TBX1: variants seen among roughly 807,000 people sequenced by gnomAD.
TBX1 encodes the protein T-box transcription factor 1, also known as T-box transcription factor TBX1.
Under a neutral mutation model 40.8 loss-of-function variants are expected in TBX1, and 16 were observed. The ratio of observed to expected loss-of-function variants is 0.39; its 90% CI spans 0.27 to 0.60. TBX1 has a LOEUF of 0.60. Ranked by LOEUF, TBX1 falls within the 20% of genes least tolerant of loss-of-function variation. TBX1 has a pLI of 0.51. For missense variants in TBX1, 755 were observed against 728.5 expected, an observed-to-expected ratio of 1.04 and a Z score of -0.42; for synonymous variants, 403 against 336.8, an observed-to-expected ratio of 1.20 and a Z score of -2.15.
chr22:19,773,534 C>T (rs1032073994), intron 8 of TBX1, among the ~76,000 whole-genome samples: 1 of 152,216 alleles, frequency 6.6e-6, no homozygotes, highest in Non-Finnish European at 1.5e-5. Flanking sequence ...TCCCTCCAGG[C>T]GGCCAGCCAG....
At position 19,766,483 on chromosome 22, in the gene TBX1, G is replaced by C. The variant is rs1601293907; in HGVS notation, c.1131G>C (p.Val377=). 4 of 1,319,270 alleles carry C rather than the reference G, an allele frequency of 3.0e-6. 1 individual carries two copies. The East Asian group carries it at 1.3e-4, about 43-fold the overall frequency. 81.7% of individuals were successfully genotyped at this position (1,319,270 alleles called of 1,614,324 possible). A position where few individuals can be genotyped will look rare whatever the true frequency, so the allele number is the denominator to read the frequency against. Residue 377 remains valine (V), a synonymous_variant, in exon 7 of 7, where the codon GTG becomes GTC. Transcript: ENST00000649276. ...PAHPPQLLAR[V]LSPSLPGAGG... is the part of the protein sequence containing the mutation. ...ATCCTCCGCAGCTGCTGGCCCGGGTGCTAAGCCCCTCGCTGCCCGGGGCCG... is the reference window on the plus strand; with the variant it reads ...ATCCTCCGCAGCTGCTGGCCCGGGTCCTAAGCCCCTCGCTGCCCGGGGCCG...
At chr22:19,780,776 G>GTTTTTTTTTTTT (rs564336679), downstream of TBX1, among the ~76,000 whole-genome samples, 26 of 119,102 alleles carry the variant, frequency 2.2e-4, 1 homozygote, top group African/African-American at 6.8e-4. Flanking sequence ...CTTGTTTTCT[G>GTTTTTTTTTTTT]TTTTTTTTTT....
chr22:19,759,578 G>A (rs1263750126), upstream of TBX1: 38 of 1,597,876 alleles, frequency 2.4e-5, no homozygotes, highest in Non-Finnish European at 3.2e-5. Flanking sequence ...GGAGCGCACC[G>A]CCCACCAGGG....
chr22:19,757,683 G>A (rs9606154), upstream of TBX1, among the ~76,000 whole-genome samples: 9,248 of 152,166 alleles, frequency 0.061, 304 homozygotes, highest in Non-Finnish European at 0.07. Context: ...CCGCCTCCAC[G>A]GGACTGTCCT....
intron 8 of TBX1, among the ~76,000 whole-genome samples, chr22:19,777,551 T>C (rs1180839437): frequency 1.3e-5 from 2 of 152,164 alleles, no homozygotes; most frequent in East Asian, 3.8e-4. Context: ...AGCAGCATGA[T>C]TTATAATCCT....
chr22:19,760,123 A>C (rs182368667), upstream of TBX1, among the ~76,000 whole-genome samples: 3 of 152,272 alleles, frequency 2.0e-5, no homozygotes, highest in East Asian at 5.8e-4. Flanking sequence ...AAGGCAATAA[A>C]AAGCAAGAGC....
intron 8 of TBX1, among the ~76,000 whole-genome samples, chr22:19,774,410 CT>C (rs1937034884): frequency 6.6e-6 from 1 of 152,208 alleles, no homozygotes; most frequent in Non-Finnish European, 1.5e-5. Flanking sequence ...AATATCTTGT[CT>C]CTAAAATCAA....
chr22:19,766,054 C>A, intron 6 of TBX1, 52 bp downstream of exon 6: 4 of 1,386,880 alleles, frequency 2.9e-6, no homozygotes, highest in Non-Finnish European at 3.8e-6. Context: ...CGCTCTACCC[C>A]GGGCCGGCGG....
downstream of TBX1, among the ~76,000 whole-genome samples, chr22:19,771,219 G>T (rs937340925): frequency 5.9e-5 from 9 of 152,224 alleles, no homozygotes; most frequent in African/African-American, 1.9e-4. Flanking sequence ...TGGGGGCACG[G>T]CCCCCCAGCC....
At position 19,760,835 on chromosome 22, in the gene TBX1, C is replaced by T; in HGVS notation, c.-9C>T. On this transcript the variant is annotated 5_prime_UTR_variant, in exon 1 of 7. Transcript: ENST00000649276. Reference sequence around the variant, plus strand: ...TGGTGGCGGGGGCGGCGGCGGCGGCCCGCGGGTCATGATCTCCGCCGTGTC... The same window carrying T: ...TGGTGGCGGGGGCGGCGGCGGCGGCTCGCGGGTCATGATCTCCGCCGTGTC... 2 of 914,826 alleles carry T rather than the reference C, an allele frequency of 2.2e-6. No homozygotes were observed. Among genetic ancestry groups the T allele is most frequent in the Non-Finnish European group, 2.6e-6 (2 of 765,590 alleles). 56.7% of individuals were successfully genotyped at this position (914,826 alleles called of 1,614,324 possible).
intron 8 of TBX1, among the ~76,000 whole-genome samples, chr22:19,772,881 C>T (rs1003624049): frequency 9.2e-5 from 14 of 152,180 alleles, no homozygotes; most frequent in African/African-American, 2.9e-4. Context: ...CAGGAGCTGC[C>T]GGGCGCCCTT....
chr22:19,757,039 T>C (rs1936502783), upstream of TBX1, among the ~76,000 whole-genome samples: 1 of 152,120 alleles, frequency 6.6e-6, no homozygotes, highest in Admixed American at 6.5e-5. Flanking sequence ...TGGGACGGCC[T>C]CGCGCTTCGA....
In TBX1 at chr22:19,779,251, A is replaced by C. The variant is rs1309208151; in HGVS notation, c.1041A>C (p.Lys347Asn). The C allele has an allele frequency of 5.0e-6, 8 of 1,614,108 alleles. No individual in the cohort carries two copies. The East Asian group carries it at 1.8e-4, about 36-fold the overall frequency. ...ATGTCCTGAAGGACAAGGAAGTGAA[A>C]GCTGAGACGTCTAGGAACACACCAG... The change falls in exon 9 of 9, where the codon AAA becomes AAC. Residue 347 changes from lysine (K) to asparagine (N), a missense_variant. Physicochemically the swap from Lys to Asn is moderately conservative, Grantham distance 94. Transcript: ENST00000329705.
chr22:19,758,697 G>A (rs929591719), upstream of TBX1, among the ~76,000 whole-genome samples: 14 of 152,244 alleles, frequency 9.2e-5, no homozygotes, highest in Admixed American at 8.5e-4. Flanking sequence ...CGGCCGGTGC[G>A]CAGGGAGGTC....
chr22:19,782,811 C>T, downstream of TBX1: 3 of 1,601,990 alleles, frequency 1.9e-6, no homozygotes, highest in Non-Finnish European at 2.6e-6. Context: ...TTTCTTGCTA[C>T]ACAAAGAGAA....
chr22:19,761,237 T>C lies in TBX1; in HGVS notation c.394T>C (p.Phe132Leu). The C allele has an allele frequency of 6.4e-7, 1 of 1,563,006 alleles. No homozygotes were observed. Among genetic ancestry groups the C allele is most frequent in the Non-Finnish European group, 8.7e-7 (1 of 1,154,104 alleles). The change falls in exon 1 of 7, where the codon TTC (phenylalanine) becomes CTC (leucine). Residue 132 changes from phenylalanine to leucine, a missense_variant. Phe to Leu is a conservative substitution (Grantham distance 22, BLOSUM62 0). This residue lies in a region of TBX1 where 199 missense variants were observed against 173.0 expected (regional missense o/e 1.15). Coordinates refer to ENST00000649276, the MANE Select transcript of TBX1 (RefSeq NM_001379200.1). ...QLEMKALWDE[F>L]NQLGTEMIVT... ...AGAGATGAAGGCGCTGTGGGACGAG[T>C]TCAACCAGCTGGGCACCGAGATGAT... is the stretch of plus-strand genomic sequence containing the variant.
downstream of TBX1, chr22:19,783,143 A>G (rs1158429987): frequency 4.2e-6 from 3 of 716,932 alleles, no homozygotes; most frequent in South Asian, 2.9e-5. Context: ...CACCCCGTGG[A>G]GTAGACAAAC....
intron 8 of TBX1, among the ~76,000 whole-genome samples, chr22:19,775,993 T>C (rs1937058799): frequency 1.3e-5 from 2 of 152,152 alleles, no homozygotes; most frequent in African/African-American, 4.8e-5. Context: ...GAGCCATCCC[T>C]GGAGGTGGCC....
At chr22:19,758,189 C>T (rs927229782), upstream of TBX1, among the ~76,000 whole-genome samples, 1 of 152,196 alleles carries the variant, frequency 6.6e-6, no homozygotes, top group South Asian at 2.1e-4. Context: ...CCTAAAAACC[C>T]TGGGAGAGGT....
Sources: allele counts gnomAD v4.1 joint callset (sites outside exome capture counted in the v4.1 genomes callset), GRCh38; gene constraint gnomAD v4.1.1; regional missense constraint gnomAD v4.1.1; transcripts MANE v1.5; gene names NCBI Gene and HGNC (gene_info 2026-07-23, HGNC 2026-07-21).